The following SYNPO2 variants were observed in gnomAD, a reference collection of about 807,000 sequenced individuals.
SYNPO2 encodes synaptopodin-2.
SYNPO2 carries 56 observed loss-of-function variants against 85.0 expected under a neutral mutation model. The observed-to-expected ratio is 0.66, with a 90% CI of 0.53 to 0.82. SYNPO2 has a LOEUF of 0.82. Ranked by LOEUF, SYNPO2 falls within the 40% of genes least tolerant of loss-of-function variation. SYNPO2 has a pLI of 0.00. For missense variants in SYNPO2, 1,575 were observed against 1,534.2 expected (o/e 1.03, Z -0.44); for synonymous variants, 602 against 591.1 (o/e 1.02, Z -0.27).
chr4:118,900,703 C>CTCTCTCTCTCTCTCTCTCTATA (rs1277981772), intron 1 of SYNPO2, among the ~76,000 whole-genome samples: 2 of 43,898 alleles, frequency 4.6e-5, no homozygotes, highest in African/African-American at 7.9e-5. Context: ...CTCTCTCTCT[C>CTCTCTCTCTCTCTCTCTCTATA]TATATATATA....
intron 1 of SYNPO2, among the ~76,000 whole-genome samples, chr4:118,909,931 G>A (rs552847274): frequency 6.6e-6 from 1 of 152,278 alleles, no homozygotes; most frequent in Non-Finnish European, 1.5e-5. Context: ...GGCATTTACT[G>A]ATCATTCACA....
Position 119,031,788 on chromosome 4 carries a change from G to A in SYNPO2, c.3013G>A (p.Ala1005Thr). 6.2e-7 allele frequency: 1 copy of A among 1,614,156 alleles called. No homozygotes were observed. Among genetic ancestry groups the A allele is most frequent in the Non-Finnish European group, 8.5e-7 (1 of 1,180,026 alleles). ...CAATTCAGCCCTGGCCATGAAGCAA[G>A]CTCTTCCTCCCCGGCCAGTGAATGC... ...KVNSALAMKQ[A>T]LPPRPVNAAS... Residue 1005 changes from alanine (A) to threonine (T), a missense_variant, in exon 4 of 5, where the codon GCT becomes ACT. Coordinates refer to ENST00000307142, the MANE Select transcript of SYNPO2 (RefSeq NM_133477.3).
intron 1 of SYNPO2, among the ~76,000 whole-genome samples, chr4:119,022,510 A>C (rs1428387261): frequency 1.3e-5 from 1 of 77,978 alleles, no homozygotes; most frequent in Non-Finnish European, 2.6e-5. Flanking sequence ...CATTTTTTGT[A>C]GGTTTTTTTT....
intron 1 of SYNPO2, among the ~76,000 whole-genome samples, chr4:118,890,425 C>T (rs74634205): frequency 1.5e-3 from 223 of 152,208 alleles, no homozygotes; most frequent in African/African-American, 5.0e-3. Flanking sequence ...AGTAACTTGC[C>T]TTAAGTTTTC....
At chr4:118,901,860 T>A (rs1732768222) in intron 1 of SYNPO2, among the ~76,000 whole-genome samples, 1 of 152,160 alleles carries the variant, frequency 6.6e-6, no homozygotes, top group South Asian at 2.1e-4. Flanking sequence ...TAAATCCACA[T>A]AGTAAAGTAG....
At chr4:118,983,563 G>A (rs1395188625) in intron 1 of SYNPO2, among the ~76,000 whole-genome samples, 3 of 152,054 alleles carry the variant, frequency 2.0e-5, no homozygotes, top group African/African-American at 7.2e-5. Context: ...CTCTCCCTTT[G>A]AAATACTTTC....
chr4:118,858,225 C>T (rs1388533968), intron 1 of SYNPO2, among the ~76,000 whole-genome samples: 1 of 151,804 alleles, frequency 6.6e-6, no homozygotes, highest in Non-Finnish European at 1.5e-5. Context: ...AAGATAGGGT[C>T]TCTCCACCTC....
chr4:119,004,049 T>C (rs1352064948), intron 1 of SYNPO2, among the ~76,000 whole-genome samples: 1 of 152,084 alleles, frequency 6.6e-6, no homozygotes, highest in East Asian at 1.9e-4. Flanking sequence ...TCTACTGTGT[T>C]TTTAGACTTT....
intron 1 of SYNPO2, among the ~76,000 whole-genome samples, chr4:119,015,305 A>G (rs930050944): frequency 1.3e-5 from 2 of 152,192 alleles, no homozygotes; most frequent in African/African-American, 4.8e-5. Flanking sequence ...TAAATTTTTA[A>G]AAGTCTCTAC....
Position 119,031,983 on chromosome 4 carries a change from C to T in SYNPO2, c.3208C>T (p.Pro1070Ser), listed in dbSNP as rs1561009753. Residue 1070 changes from proline (P) to serine (S), a missense_variant, in exon 4 of 5, where the codon CCA (proline) becomes TCA (serine). Around this residue, in one of 3 missense-constraint regions of SYNPO2, gnomAD observed 1,508 missense variants for 1,446.8 expected, o/e 1.04. Transcript: ENST00000307142. The part of the protein sequence containing the change: ...ESASSSYFVA[P>S]RPKFSAKKSG... ...AGCCTCATCATCTTATTTTGTGGCA[C>T]CAAGGCCAAAGTTCTCAGCCAAGAA... The T allele has an allele frequency of 1.9e-6, 3 of 1,614,160 alleles. 1 individual carries two copies. Among genetic ancestry groups the T allele is most frequent in the South Asian group, 2.2e-5 (2 of 91,076 alleles).
chr4:119,012,375 C>CTTTTTTTTTTTTTT (rs10651853), intron 1 of SYNPO2, among the ~76,000 whole-genome samples: 64 of 109,746 alleles, frequency 5.8e-4, no homozygotes, highest in Middle Eastern at 5.1e-3. Context: ...TCCCCCTTTT[C>CTTTTTTTTTTTTTT]TTTTTTTTTT....
At chr4:119,038,404 T>C in intron 4 of SYNPO2, 1 of 985,356 alleles carries the variant, frequency 1.0e-6, no homozygotes, top group Non-Finnish European at 1.2e-6. Flanking sequence ...CAATGTTGTG[T>C]GACTTCTCAA....
At position 119,031,279 on chromosome 4, in the gene SYNPO2, T is replaced by G. The variant is rs1339954324; in HGVS notation, c.2504T>G (p.Val835Gly). 1.2e-6 allele frequency: 2 copies of G among 1,614,146 alleles called. No individual in the cohort carries two copies. Among genetic ancestry groups the G allele is most frequent in the Non-Finnish European group, 1.7e-6 (2 of 1,180,026 alleles). ...CCCTTCAAAGGACCACAAGCAGCAG[T>G]AGCCAGTCAGAATTACACACCCAAA... ...AGPFKGPQAA[V>G]ASQNYTPKPT... The change falls in exon 4 of 5, where the codon GTA (valine) becomes GGA (glycine). Residue 835 changes from valine to glycine, a missense_variant. Physicochemically the swap from Val to Gly is moderately radical, Grantham distance 109. This residue lies in a region of SYNPO2 where 1,508 missense variants were observed against 1,446.8 expected (regional missense o/e 1.04). Coordinates refer to ENST00000307142, the MANE Select transcript of SYNPO2 (RefSeq NM_133477.3).
intron 1 of SYNPO2, among the ~76,000 whole-genome samples, chr4:118,867,459 G>GTTTC (rs151229989): frequency 0.54 from 78,974 of 145,714 alleles, 24,471 homozygotes; most frequent in Admixed American, 0.68. Flanking sequence ...GTTCCTATTA[G>GTTTC]TTTCTTTCTT....
chr4:118,863,694 C>T (rs900484486), intron 1 of SYNPO2, among the ~76,000 whole-genome samples: 7 of 152,170 alleles, frequency 4.6e-5, no homozygotes, highest in Non-Finnish European at 1.0e-4. Flanking sequence ...TCACTGCAAC[C>T]TCCACCTCCC....
intron 1 of SYNPO2, among the ~76,000 whole-genome samples, chr4:118,941,698 G>A (rs537758194): frequency 6.6e-6 from 1 of 152,280 alleles, no homozygotes; most frequent in East Asian, 1.9e-4. Context: ...ATTTGTAGAG[G>A]TGACTGAATG....
intron 1 of SYNPO2, among the ~76,000 whole-genome samples, chr4:118,863,074 G>T (rs1731638757): frequency 6.6e-6 from 1 of 152,158 alleles, no homozygotes; most frequent in South Asian, 2.1e-4. Flanking sequence ...CTTCCAAAGT[G>T]CTGGGATTAT....
intron 4 of SYNPO2, chr4:119,036,945 G>T: frequency 8.1e-7 from 1 of 1,228,556 alleles, no homozygotes. Context: ...AGGGGAGAAA[G>T]CTAGACTCCT....
chr4:118,971,106 C>T (rs768948520), intron 1 of SYNPO2, among the ~76,000 whole-genome samples: 16 of 152,064 alleles, frequency 1.1e-4, no homozygotes, highest in Non-Finnish European at 1.2e-4. Flanking sequence ...TCTCTCCCTC[C>T]GTGTTAAAAT....
Sources: gnomAD v4.1 joint callset for allele counts (sites outside exome capture counted in the v4.1 genomes callset) on GRCh38, gnomAD v4.1.1 for gene constraint, gnomAD v4.1.1 regional missense constraint, MANE v1.5 for transcripts, NCBI Gene and HGNC (gene_info 2026-07-23, HGNC 2026-07-21) for gene names.